MAMSTR: variants seen among roughly 807,000 people sequenced by gnomAD.
MAMSTR encodes the protein MEF2 activating motif and SAP domain containing transcriptional regulator.
Under a neutral mutation model 42.7 loss-of-function variants are expected in MAMSTR, and 41 were observed. The observed-to-expected ratio is 0.96, with a 90% CI of 0.75 to 1.25. The LOEUF is 1.25. Ranked by LOEUF, MAMSTR falls within the 50% of genes most tolerant of loss-of-function variation. MAMSTR has a pLI of 0.00. For missense variants in MAMSTR, 567 were observed against 557.6 expected (o/e 1.02, Z -0.17); for synonymous variants, 265 against 244.1 (o/e 1.09, Z -0.80).
In MAMSTR at chr19:48,714,854, G is replaced by C. The variant is rs33988101; in HGVS notation, c.480C>G (p.Pro160=). The C allele has an allele frequency of 6.2e-7, 1 of 1,611,996 alleles. No individual in the cohort carries two copies. The highest frequency in any genetic ancestry group is 2.2e-5 in the East Asian group (1 of 44,824). The part of the protein sequence containing the change: ...PCPPGVPSPS[P]PPHKLELQTL... ...TCTGAAGTTCCAACTTGTGTGGGGG[G>C]GGCGAGGGGCTAGGGACTCCTGGTG... The change falls in exon 6 of 10, where the codon CCC becomes CCG. Residue 160 remains proline, a synonymous_variant. Coordinates refer to ENST00000318083, the MANE Select transcript of MAMSTR (RefSeq NM_001130915.2).
Position 48,713,916 on chromosome 19 carries a change from C to G in MAMSTR, c.853G>C (p.Gly285Arg). ...APALTPSSGP[G>R]SAALTLEEEL... is the part of the protein sequence containing the mutation. The stretch of plus-strand genomic sequence containing the variant: ...TCCTCCAGAGTCAGAGCCGCTGAGC[C>G]CGGCCCTGAGGAAGGGGTCAGGGCT... The change falls in exon 8 of 10, where the codon GGC becomes CGC. Residue 285 changes from glycine to arginine, a missense_variant. Physicochemically the swap from Gly to Arg is moderately radical, Grantham distance 125. Coordinates refer to ENST00000318083, the MANE Select transcript of MAMSTR (RefSeq NM_001130915.2). 6.2e-7 allele frequency: 1 copy of G among 1,612,110 alleles called. No homozygotes were observed. The highest frequency in any genetic ancestry group is 8.5e-7 in the Non-Finnish European group (1 of 1,178,618).
In MAMSTR at chr19:48,714,870, A is replaced by T. The variant is rs767646494; in HGVS notation, c.464T>A (p.Val155Asp). Reference protein sequence around the residue: ...PSPLTPCPPGVPSPSPPPHKL... With the variant: ...PSPLTPCPPGDPSPSPPPHKL... The stretch of plus-strand genomic sequence containing the variant: ...GTGTGGGGGGGGCGAGGGGCTAGGG[A>T]CTCCTGGTGGGCAGGGAGTGAGGGG... The change falls in exon 6 of 10, where the codon GTC becomes GAC. Residue 155 changes from valine to aspartate, a missense_variant. By Grantham distance (152) the Val-to-Asp change is radical. Transcript: ENST00000318083. The T allele has an allele frequency of 1.2e-6, 2 of 1,609,318 alleles. No homozygotes were observed. The highest frequency in any genetic ancestry group is 1.1e-5 in the South Asian group (1 of 90,924).
At chr19:48,715,515 A>G (rs553025287) in intron 4 of MAMSTR, 69 bp from the exon 5 acceptor site, 4 of 1,462,994 alleles carry the variant, frequency 2.7e-6, no homozygotes, top group Non-Finnish European at 3.6e-6. Context: ...GACTACATGC[A>G]AAGTATGGGG....
intron 2 of MAMSTR, among the ~76,000 whole-genome samples, chr19:48,718,334 T>C (rs2033123344): frequency 6.6e-6 from 1 of 151,976 alleles, no homozygotes; most frequent in Non-Finnish European, 1.5e-5. Context: ...CAAGTACCCT[T>C]TGCCTTCTCA....
In MAMSTR at chr19:48,713,381, G is replaced by T; in HGVS notation, c.1134C>A (p.Ala378=). 1 of 1,611,252 alleles carries T rather than the reference G, an allele frequency of 6.2e-7. No homozygotes were observed. The part of the protein sequence containing the change: ...DPTDSLDWLE[A]LSGGPPLGSG... ...AACCCAGAGGAGGACCCCCGCTCAGGGCCTCCAGCCAGTCCAGGGAGTCCG... is the reference window on the plus strand; with the variant it reads ...AACCCAGAGGAGGACCCCCGCTCAGTGCCTCCAGCCAGTCCAGGGAGTCCG... The change falls in exon 10 of 10, where the codon GCC becomes GCA. Residue 378 remains alanine (A), a synonymous_variant. Transcript: ENST00000318083.
chr19:48,714,771 G>A (rs1468699385), intron 6 of MAMSTR, 35 bp downstream of exon 6: 1 of 1,498,366 alleles, frequency 6.7e-7, no homozygotes, highest in Admixed American at 1.7e-5. Flanking sequence ...CACCGAAGGA[G>A]AGAGAAGGCC....
At chr19:48,706,286 CA>C in the MAMSTR span, among the ~76,000 whole-genome samples, 718 of 129,948 alleles carry the variant, frequency 5.5e-3, 4 homozygotes, top group African/African-American at 0.013. Context: ...GACTCCATCT[CA>C]AAAAAAAAAA....
chr19:48,713,157 C>T lies in MAMSTR; in HGVS notation c.*110G>A, dbSNP rs2122268225. ...AGGCAGGTGGGGTTGGAGGTTGTCTCCGATCCTGTGTCTGCGGTAGGAGGG... is the reference window on the plus strand; with the variant it reads ...AGGCAGGTGGGGTTGGAGGTTGTCTTCGATCCTGTGTCTGCGGTAGGAGGG... On this transcript the variant is annotated 3_prime_UTR_variant, in exon 10 of 10. Coordinates refer to ENST00000318083, the MANE Select transcript of MAMSTR (RefSeq NM_001130915.2). The T allele has an allele frequency of 4.4e-6, 5 of 1,125,086 alleles. No homozygotes were observed. In the East Asian group the frequency reaches 1.4e-4, roughly 31 times the overall value. 69.7% of individuals were successfully genotyped at this position (1,125,086 alleles called of 1,614,324 possible).
rs562969140 is a variant in MAMSTR at position 48,713,542 on chromosome 19, G to T, written c.973C>A (p.Pro325Thr). The T allele has an allele frequency of 6.2e-7, 1 of 1,610,352 alleles. No homozygotes were observed. The highest frequency in any genetic ancestry group is 1.7e-5 in the Admixed American group (1 of 59,156). ...EDQVEPDDPL[P>T]PIPLDFPGSF... Reference sequence around the variant, plus strand: ...CCAGGGAAGTCCAGGGGAATAGGGGGCAGGGGGTCTGCGGGATAAAGAATG... The same window carrying T: ...CCAGGGAAGTCCAGGGGAATAGGGGTCAGGGGGTCTGCGGGATAAAGAATG... Residue 325 changes from proline to threonine, a missense_variant, in exon 10 of 10, where the codon CCC becomes ACC. Pro to Thr is a conservative substitution (Grantham distance 38, BLOSUM62 -1). Transcript: ENST00000318083.
At chr19:48,716,137 A>T (rs1006291003) in intron 3 of MAMSTR, among the ~76,000 whole-genome samples, 1 of 151,986 alleles carries the variant, frequency 6.6e-6, no homozygotes, top group Non-Finnish European at 1.5e-5. Flanking sequence ...GCAGTTTGGG[A>T]GACTGAGGCG....
At position 48,714,678 on chromosome 19, in the gene MAMSTR, G is replaced by C. The variant is rs2032918819; in HGVS notation, c.529-118C>G. ...AGGCACTGGGGGTCCGGACTCCTGG[G>C]ACCCTAAAACAGGATGGGACTGGGT... On this transcript the variant is annotated intron_variant, in intron 6 of 9. Transcript: ENST00000318083. 6 of 1,265,718 alleles carry C rather than the reference G, an allele frequency of 4.7e-6. No individual in the cohort carries two copies. In the African/African-American group the frequency reaches 8.9e-5, roughly 19 times the overall value. 78.4% of individuals were successfully genotyped at this position (1,265,718 alleles called of 1,614,324 possible). A position where few individuals can be genotyped will look rare whatever the true frequency, so the allele number is the denominator to read the frequency against.
downstream of MAMSTR, among the ~76,000 whole-genome samples, chr19:48,710,839 G>A (rs185679192): frequency 1.7e-4 from 26 of 152,074 alleles, no homozygotes; most frequent in East Asian, 4.5e-3. Context: ...CACCCGCCTC[G>A]GCCTCCCAAA....
chr19:48,707,877 AAGAAAG>A (rs935554547), downstream of MAMSTR, among the ~76,000 whole-genome samples: 2 of 115,984 alleles, frequency 1.7e-5, no homozygotes, highest in African/African-American at 7.4e-5. Context: ...GAAAGAAAGA[AAGAAAG>A]AAAGAAAAGA....
the MAMSTR span, among the ~76,000 whole-genome samples, chr19:48,706,194 G>A: frequency 6.6e-6 from 1 of 151,280 alleles, no homozygotes; most frequent in African/African-American, 2.4e-5. Context: ...GGCTTAAGCA[G>A]GAGAATCGTT....
chr19:48,707,144 C>T, the MAMSTR span, among the ~76,000 whole-genome samples: 950 of 148,602 alleles, frequency 6.4e-3, 8 homozygotes, highest in African/African-American at 0.022. Flanking sequence ...ACAGGCCAGG[C>T]GTGGTGGCTC....
Position 48,712,958 on chromosome 19 carries a change from A to G in MAMSTR, c.*309T>C, listed in dbSNP as rs1484783346. 2 of 269,518 alleles carry G rather than the reference A, an allele frequency of 7.4e-6. No individual in the cohort carries two copies. Among genetic ancestry groups the G allele is most frequent in the African/African-American group, 4.5e-5 (2 of 44,870 alleles). 16.7% of individuals were successfully genotyped at this position (269,518 alleles called of 1,614,324 possible). On this transcript the variant is annotated 3_prime_UTR_variant, in exon 10 of 10. Transcript: ENST00000318083. ...CTCCCCAAACAACAGGGAGCCATCT[A>G]CCGGGGTCGGGGGCATGTAAGAACA...
At chr19:48,716,877 C>CGGTGG (rs2033060628) in intron 2 of MAMSTR, 134 bp from the exon 3 acceptor site, 2 of 1,225,322 alleles carry the variant, frequency 1.6e-6, no homozygotes, top group Non-Finnish European at 2.1e-6. Context: ...CCTGTGCAGG[C>CGGTGG]GGGTGGGCGG....
chr19:48,714,179 A>C, intron 7 of MAMSTR, 134 bp from the exon 8 acceptor site: 1 of 1,078,578 alleles, frequency 9.3e-7, no homozygotes, highest in South Asian at 1.8e-5. Flanking sequence ...CTCGCCCCCT[A>C]TTCTTTCATT....
chr19:48,711,924 T>C (rs899088903), downstream of MAMSTR, among the ~76,000 whole-genome samples: 8 of 102,156 alleles, frequency 7.8e-5, no homozygotes, highest in Non-Finnish European at 1.9e-4. Context: ...TTTTTTGTAT[T>C]TTTAGTAGAG....
Sources: allele counts gnomAD v4.1 joint callset (sites outside exome capture counted in the v4.1 genomes callset), GRCh38; gene constraint gnomAD v4.1.1; transcripts MANE v1.5; gene names NCBI Gene and HGNC (gene_info 2026-07-23, HGNC 2026-07-21).